Variants in PCDHGB6 observed in about 807,000 individuals in gnomAD.
PCDHGB6 encodes the protein protocadherin gamma-B6.
PCDHGB6 carries 51 observed loss-of-function variants against 59.1 expected under a neutral mutation model. That is an observed-to-expected ratio of 0.86 (90% CI 0.69 to 1.09). The LOEUF (loss-of-function observed/expected upper bound fraction) is 1.09, where lower values mean the gene tolerates loss of function less well. Ranked by LOEUF, PCDHGB6 falls within the 50% of genes least tolerant of loss-of-function variation. PCDHGB6 has a pLI of 0.00. For synonymous variants in PCDHGB6, 466 were observed against 495.1 expected, an observed-to-expected ratio of 0.94 and a Z score of 0.78; for missense variants, 1,148 against 1,205.1, an observed-to-expected ratio of 0.95 and a Z score of 0.70.
intron 1 of PCDHGB6, among the ~76,000 whole-genome samples, chr5:141,425,078 G>A (rs1196415752): frequency 3.9e-5 from 6 of 152,112 alleles, no homozygotes; most frequent in Admixed American, 6.5e-5. Flanking sequence ...AATTTCAACT[G>A]TAGGAAAGGC....
In PCDHGB6 at chr5:141,408,865, A is replaced by G. The variant is rs765751172; in HGVS notation, c.663A>G (p.Pro221=). 1 of 1,613,684 alleles carries G rather than the reference A, an allele frequency of 6.2e-7. No homozygotes were observed. ...CTGCCTTGGACGGAGGGGACCCACC[A>G]AGAAGTGCCACCGCTCACATAGAAA... The part of the protein sequence containing the change: ...ILTALDGGDP[P]RSATAHIEIS... The change falls in exon 1 of 4, where the codon CCA becomes CCG. Residue 221 remains proline, a synonymous_variant. Coordinates refer to ENST00000520790, the MANE Select transcript of PCDHGB6 (RefSeq NM_018926.3).
At chr5:141,438,957 CACCCTGCCA>C (rs1022731551) in intron 1 of PCDHGB6, among the ~76,000 whole-genome samples, 2 of 152,144 alleles carry the variant, frequency 1.3e-5, no homozygotes, top group East Asian at 3.9e-4. Flanking sequence ...TGAGCCACCG[CACCCTGCCA>C]ACTGTCTGAC....
intron 2 of PCDHGB6, among the ~76,000 whole-genome samples, chr5:141,495,720 G>A (rs1048453188): frequency 2.6e-5 from 4 of 152,080 alleles, no homozygotes; most frequent in Non-Finnish European, 5.9e-5. Context: ...GTAACTACAC[G>A]GGACCCTTAG....
intron 1 of PCDHGB6, among the ~76,000 whole-genome samples, chr5:141,481,620 C>G (rs1449979532): frequency 6.6e-6 from 1 of 152,112 alleles, no homozygotes; most frequent in African/African-American, 2.4e-5. Context: ...GAGTTCAAGA[C>G]CGGCCTGGCC....
At chr5:141,422,501 CCA>C in intron 1 of PCDHGB6, 1 of 1,613,928 alleles carries the variant, frequency 6.2e-7, no homozygotes, top group African/African-American at 1.3e-5. Flanking sequence ...ACGTTGACAG[CCA>C]CAGACCAGGG....
At chr5:141,415,208 A>C in intron 1 of PCDHGB6, 3 of 1,614,024 alleles carry the variant, frequency 1.9e-6, no homozygotes, top group Non-Finnish European at 2.5e-6. Context: ...GTCCTGGCGG[A>C]CCTCGGCAGC....
chr5:141,487,905 G>C lies in PCDHGB6; in HGVS notation c.2419-6902G>C. The C allele has an allele frequency of 1.5e-6, 1 of 686,388 alleles. No individual in the cohort carries two copies. 42.5% of individuals were successfully genotyped at this position (686,388 alleles called of 1,614,324 possible). On this transcript the variant is annotated intron_variant, in intron 1 of 3. Transcript: ENST00000520790. This position sits in a 1 kb window ranked among gnomAD's most constrained non-coding sequence, Gnocchi z 5.0. ...GTGGAAGCATGATGATGGAATGTGG[G>C]AGCACAGGAGGCTACAGTGCACAGG...
intron 2 of PCDHGB6, among the ~76,000 whole-genome samples, chr5:141,502,832 G>T (rs1266910323): frequency 6.6e-6 from 1 of 150,516 alleles, no homozygotes; most frequent in Non-Finnish European, 1.5e-5. Context: ...GGGGAAGCCT[G>T]GACTGGCTGA....
chr5:141,418,282 A>C, intron 1 of PCDHGB6: 1 of 1,614,030 alleles, frequency 6.2e-7, no homozygotes, highest in Non-Finnish European at 8.5e-7. Flanking sequence ...TAAACTTAGA[A>C]ATCAGTGAAT....
At chr5:141,492,163 C>T (rs921256341) in intron 1 of PCDHGB6, among the ~76,000 whole-genome samples, 22 of 152,232 alleles carry the variant, frequency 1.4e-4, no homozygotes, top group African/African-American at 5.3e-4. Context: ...CCTCCCTATC[C>T]CCGCATCACC....
chr5:141,511,182 C>A lies in PCDHGB6; in HGVS notation c.*9C>A. ...AGAAGGAGAAGAAGTAACATGGAGG[C>A]CAGGCCAAGAGCCACAGGGCGGCCT... is the stretch of plus-strand genomic sequence containing the variant. On this transcript the variant is annotated 3_prime_UTR_variant, in exon 4 of 4. Transcript: ENST00000520790. 6.2e-7 allele frequency: 1 copy of A among 1,614,022 alleles called. No homozygotes were observed. Among genetic ancestry groups the A allele is most frequent in the Non-Finnish European group, 8.5e-7 (1 of 1,179,946 alleles).
At chr5:141,452,076 G>A (rs978382005) in intron 1 of PCDHGB6, among the ~76,000 whole-genome samples, 3 of 152,092 alleles carry the variant, frequency 2.0e-5, no homozygotes, top group Non-Finnish European at 2.9e-5. Flanking sequence ...TTATTAGTTG[G>A]CATTATACAG....
chr5:141,413,366 C>T (rs1452603006), intron 1 of PCDHGB6: 2 of 1,613,958 alleles, frequency 1.2e-6, no homozygotes, highest in Middle Eastern at 1.7e-4. Flanking sequence ...CGGGAGCTGG[C>T]GGAGCGCGGA....
intron 1 of PCDHGB6, among the ~76,000 whole-genome samples, chr5:141,488,713 C>A (rs1165389103): frequency 6.6e-6 from 1 of 152,184 alleles, no homozygotes; most frequent in Non-Finnish European, 1.5e-5. Context: ...CTGGTTCAAG[C>A]AAAGTGGTGG....
intron 1 of PCDHGB6, chr5:141,423,301 C>T (rs1489674947): frequency 1.9e-6 from 3 of 1,614,150 alleles, no homozygotes; most frequent in East Asian, 4.5e-5. Flanking sequence ...AGACCTCTCG[C>T]TGTACTTGGT....
At chr5:141,458,651 C>T (rs924873907) in intron 1 of PCDHGB6, among the ~76,000 whole-genome samples, 1 of 152,114 alleles carries the variant, frequency 6.6e-6, no homozygotes. Context: ...CTCACTGCAA[C>T]CTCCACCTCT....
In PCDHGB6 at chr5:141,409,352, T is replaced by G; in HGVS notation, c.1150T>G (p.Cys384Gly). Residue 384 changes from cysteine to glycine, a missense_variant, in exon 1 of 4, where the codon TGT becomes GGT. Coordinates refer to ENST00000520790, the MANE Select transcript of PCDHGB6 (RefSeq NM_018926.3). ...LDFGGNGEVRCNIETDIPFKI... is the reference protein window; with the variant it reads ...LDFGGNGEVRGNIETDIPFKI... ...TTTCGGAGGAAATGGAGAAGTCAGG[T>G]GTAATATAGAAACAGACATTCCATT... The G allele has an allele frequency of 6.2e-7, 1 of 1,613,980 alleles. No individual in the cohort carries two copies. Among genetic ancestry groups the G allele is most frequent in the Non-Finnish European group, 8.5e-7 (1 of 1,179,908 alleles).
Position 141,489,352 on chromosome 5 carries a change from G to A in PCDHGB6, c.2419-5455G>A, listed in dbSNP as rs1336068787. 1.9e-6 allele frequency: 3 copies of A among 1,612,152 alleles called. No homozygotes were observed. In the Admixed American group the frequency reaches 5.0e-5, roughly 27 times the overall value. On this transcript the variant is annotated intron_variant, in intron 1 of 3. Transcript: ENST00000520790. The surrounding 1 kb of genome is among the most constrained non-coding windows in gnomAD (Gnocchi z 4.5). ...GCAGCTTCGTTACTCAGTGGTGGAG[G>A]AGTCTGAGCCGGGGACGCTGGTGGG...
At chr5:141,497,503 C>CTGCTTCCT (rs1042765123) in intron 2 of PCDHGB6, among the ~76,000 whole-genome samples, 57 of 151,054 alleles carry the variant, frequency 3.8e-4, no homozygotes, top group African/African-American at 1.4e-3. Flanking sequence ...TCTCCTCTCT[C>CTGCTTCCT]TGCTTCCTTA....
Sources: gnomAD v4.1 joint callset for allele counts (sites outside exome capture counted in the v4.1 genomes callset) on GRCh38, gnomAD v4.1.1 for gene constraint, Gnocchi (gnomAD v3.1) non-coding constraint, MANE v1.5 for transcripts, NCBI Gene and HGNC (gene_info 2026-07-23, HGNC 2026-07-21) for gene names.